Variants in ULK4 observed in about 807,000 individuals in gnomAD.
ULK4 encodes the protein inactive serine/threonine-protein kinase ULK4.
ULK4 carries 133 observed loss-of-function variants against 160.6 expected under a neutral mutation model. The observed-to-expected ratio is 0.83, with a 90% CI of 0.72 to 0.96. The LOEUF (loss-of-function observed/expected upper bound fraction) is 0.96, where lower values mean the gene tolerates loss of function less well. ULK4 is among the 40% of genes least tolerant of loss of function. ULK4 has a pLI of 0.00. For missense variants in ULK4, 1,580 were observed against 1,499.5 expected, an observed-to-expected ratio of 1.05 and a Z score of -0.89; for synonymous variants, 534 against 539.8, an observed-to-expected ratio of 0.99 and a Z score of 0.15.
At chr3:41,421,874 T>C (rs1397134384) in intron 34 of ULK4, among the ~76,000 whole-genome samples, 1 of 152,158 alleles carries the variant, frequency 6.6e-6, no homozygotes, top group African/African-American at 2.4e-5. Flanking sequence ...CGTAAAACCA[T>C]CTAAGCTTGA....
intron 12 of ULK4, among the ~76,000 whole-genome samples, chr3:41,901,247 T>C (rs1698348502): frequency 6.7e-6 from 1 of 148,402 alleles, no homozygotes; most frequent in African/African-American, 2.5e-5. Context: ...TAGCGTGATC[T>C]CGGCTCACTA....
intron 36 of ULK4, 41 bp from the exon 37 acceptor site, chr3:41,247,033 C>G (rs755944153): frequency 1.3e-6 from 2 of 1,595,586 alleles, no homozygotes; most frequent in South Asian, 2.3e-5. Flanking sequence ...ATAGGCATCT[C>G]TAAGGTAAAG....
At chr3:41,436,964 A>G (rs1435116142) in intron 34 of ULK4, among the ~76,000 whole-genome samples, 1 of 152,228 alleles carries the variant, frequency 6.6e-6, no homozygotes, top group African/African-American at 2.4e-5. Context: ...GAACTTACTG[A>G]GTCTGGAAGT....
At chr3:41,732,284 A>T (rs1184236897) in intron 22 of ULK4, among the ~76,000 whole-genome samples, 3 of 151,970 alleles carry the variant, frequency 2.0e-5, no homozygotes, top group Non-Finnish European at 4.4e-5. Context: ...AAAGAAAAAA[A>T]AATCTGCTAA....
chr3:41,305,614 G>A (rs530161416), intron 35 of ULK4, among the ~76,000 whole-genome samples: 1 of 152,164 alleles, frequency 6.6e-6, no homozygotes, highest in Non-Finnish European at 1.5e-5. Flanking sequence ...CCAAAGTGCC[G>A]AGACTGCAGC....
chr3:41,836,002 A>G, intron 17 of ULK4, 31 bp from the exon 18 acceptor site: 1 of 1,391,660 alleles, frequency 7.2e-7, no homozygotes, highest in Non-Finnish European at 1.0e-6. Context: ...AAAGTAAATT[A>G]TTTCAAATGT....
chr3:41,748,856 A>G (rs144147860), intron 22 of ULK4, among the ~76,000 whole-genome samples: 312 of 152,296 alleles, frequency 2.0e-3, no homozygotes, highest in African/African-American at 7.2e-3. Context: ...TATCTTGTAG[A>G]TGATTCCATG....
chr3:41,653,634 A>C (rs1192358933), intron 30 of ULK4, among the ~76,000 whole-genome samples: 1 of 152,232 alleles, frequency 6.6e-6, no homozygotes, highest in Non-Finnish European at 1.5e-5. Context: ...AAGAATCAGC[A>C]AACATTTTCT....
At chr3:41,499,642 T>C (rs535515839) in intron 32 of ULK4, among the ~76,000 whole-genome samples, 32 of 152,298 alleles carry the variant, frequency 2.1e-4, no homozygotes, top group Non-Finnish European at 4.1e-4. Context: ...TAAATTAATG[T>C]AGTAAAATTT....
Position 41,704,721 on chromosome 3 carries a change from A to G in ULK4, c.2781+336T>C, listed in dbSNP as rs547212089. On this transcript the variant is annotated intron_variant, in intron 27 of 36. Transcript: ENST00000301831. ...GAATGCACGGGACAGCCCCATAACA[A>G]AGAATTGTCCATCCCAAAATGCCTT... 2.0e-5 allele frequency among the ~76,000 whole-genome samples: 3 copies of G among 152,270 alleles called. No individual in the cohort carries two copies. The South Asian group carries it at 6.2e-4, about 32-fold the overall frequency.
chr3:41,834,306 C>T (rs1013716780), intron 18 of ULK4, among the ~76,000 whole-genome samples: 1 of 151,944 alleles, frequency 6.6e-6, no homozygotes, highest in Non-Finnish European at 1.5e-5. Flanking sequence ...GTAAATACTA[C>T]TTTTGTGCAT....
At chr3:41,568,840 A>G (rs977308568) in intron 31 of ULK4, among the ~76,000 whole-genome samples, 3 of 152,186 alleles carry the variant, frequency 2.0e-5, no homozygotes, top group African/African-American at 7.2e-5. Flanking sequence ...GCGAGGGCTC[A>G]GTCCCACAAG....
At chr3:41,873,239 T>TATTTTTTTAC (rs1365318339) in intron 17 of ULK4, among the ~76,000 whole-genome samples, 1 of 134,720 alleles carries the variant, frequency 7.4e-6, no homozygotes, top group African/African-American at 3.9e-5. Context: ...TTTTTTTTTT[T>TATTTTTTTAC]TTTTGAAAAT....
chr3:41,766,210 G>A (rs184093118), intron 21 of ULK4, among the ~76,000 whole-genome samples: 154 of 132,854 alleles, frequency 1.2e-3, no homozygotes, highest in African/African-American at 3.8e-3. Flanking sequence ...AGAGGTTGCA[G>A]TAAGCCAAAA....
chr3:41,794,418 C>A (rs2040233513), intron 20 of ULK4, among the ~76,000 whole-genome samples: 1 of 152,022 alleles, frequency 6.6e-6, no homozygotes, highest in South Asian at 2.1e-4. Context: ...GTAATCCTGG[C>A]ACTTTGGGAG....
At chr3:41,649,518 C>G (rs915616377) in intron 30 of ULK4, among the ~76,000 whole-genome samples, 1 of 152,216 alleles carries the variant, frequency 6.6e-6, no homozygotes, top group Non-Finnish European at 1.5e-5. Context: ...TGGCCTCCCC[C>G]TGCTCCTGGC....
chr3:41,447,083 CAAAAAAAAAAA>C (rs756911141), intron 34 of ULK4, among the ~76,000 whole-genome samples: 3 of 53,674 alleles, frequency 5.6e-5, no homozygotes, highest in African/African-American at 1.6e-4. Context: ...GACTCTGTCT[CAAAAAAAAAAA>C]AAAAAAAAAA....
chr3:41,518,838 G>A (rs1034628766), intron 32 of ULK4, among the ~76,000 whole-genome samples: 4 of 152,164 alleles, frequency 2.6e-5, no homozygotes, highest in Non-Finnish European at 5.9e-5. Context: ...TAGACATAAG[G>A]GAATAAAAGT....
intron 32 of ULK4, among the ~76,000 whole-genome samples, chr3:41,467,804 A>C (rs558600427): frequency 6.6e-6 from 1 of 152,344 alleles, no homozygotes; most frequent in South Asian, 2.1e-4. Context: ...AGTTATTTCT[A>C]GGAGAGGGGA....
Sources: gnomAD v4.1 joint callset for allele counts (sites outside exome capture counted in the v4.1 genomes callset) on GRCh38, gnomAD v4.1.1 for gene constraint, MANE v1.5 for transcripts, NCBI Gene and HGNC (gene_info 2026-07-23, HGNC 2026-07-21) for gene names.